The following PDE4D variants were observed in gnomAD, a reference collection of about 807,000 sequenced individuals.
PDE4D encodes 3',5'-cyclic-AMP phosphodiesterase 4D.
A neutral mutation model predicts 87.4 loss-of-function variants in PDE4D; 24 were observed. The ratio of observed to expected loss-of-function variants is 0.27; its 90% CI spans 0.20 to 0.39. The LOEUF (loss-of-function observed/expected upper bound fraction) is 0.39, where lower values mean the gene tolerates loss of function less well. Among genes scored for constraint, PDE4D ranks in the 10% least tolerant of loss-of-function variants. The pLI is 1.00. For synonymous variants in PDE4D, 384 were observed against 383.2 expected (o/e 1.00, Z -0.02); for missense variants, 714 against 1,041.0 (o/e 0.69, Z 4.32).
intron 1 of PDE4D, among the ~76,000 whole-genome samples, chr5:60,511,352 T>C (rs1750563919): frequency 6.6e-6 from 1 of 152,152 alleles, no homozygotes; most frequent in African/African-American, 2.4e-5. Context: ...GAATTTATTA[T>C]AAGCTGTTGA....
At chr5:60,230,573 A>AT (rs1745686759) in intron 1 of PDE4D, among the ~76,000 whole-genome samples, 1 of 152,102 alleles carries the variant, frequency 6.6e-6, no homozygotes, top group Non-Finnish European at 1.5e-5. Flanking sequence ...TGGACTACTG[A>AT]TTTTAACTGA....
chr5:59,965,264 TAAAA>T (rs1333320984), intron 3 of PDE4D, among the ~76,000 whole-genome samples: 1 of 151,770 alleles, frequency 6.6e-6, no homozygotes, highest in East Asian at 1.9e-4. Context: ...TTCCTCAACT[TAAAA>T]AAAACAATCT....
rs1270963260 is a variant in PDE4D at position 59,302,812 on chromosome 5, T to C, written c.456-86844A>G. On this transcript the variant is annotated intron_variant, in intron 1 of 14. Coordinates refer to ENST00000340635, the MANE Select transcript of PDE4D (RefSeq NM_001104631.2). Reference sequence around the variant, plus strand: ...ATGGACATTTGGGTTAGTTCCACAGTTTTGCAATTGTGAATTGTGCTGCTA... The same window carrying C: ...ATGGACATTTGGGTTAGTTCCACAGCTTTGCAATTGTGAATTGTGCTGCTA... Among the ~76,000 whole-genome samples the C allele has an allele frequency of 2.0e-5, 3 of 152,184 alleles. No individual in the cohort carries two copies. In the East Asian group the frequency reaches 5.8e-4, roughly 29 times the overall value.
Position 60,027,499 on chromosome 5 carries a change from T to C in PDE4D, c.43-38782A>G, listed in dbSNP as rs1029292646. On this transcript the variant is annotated intron_variant, in intron 2 of 16. Transcript: ENST00000502484. Reference sequence around the variant, plus strand: ...TCAATAGGCACCTAGATTGACTCCATGTCTTTGCTGTTGCCCCCCACCACT... The same window carrying C: ...TCAATAGGCACCTAGATTGACTCCACGTCTTTGCTGTTGCCCCCCACCACT... Among the ~76,000 whole-genome samples the C allele has an allele frequency of 2.0e-5, 3 of 152,192 alleles. No homozygotes were observed. In the East Asian group the frequency reaches 5.8e-4, roughly 29 times the overall value.
At chr5:59,898,299 C>G (rs1229905966), upstream of PDE4D, among the ~76,000 whole-genome samples, 1 of 152,174 alleles carries the variant, frequency 6.6e-6, no homozygotes, top group Non-Finnish European at 1.5e-5. Context: ...TGTGCTAATT[C>G]TCAGGACGAC....
chr5:59,763,330 T>C (rs563955373), intron 1 of PDE4D, among the ~76,000 whole-genome samples: 1 of 151,054 alleles, frequency 6.6e-6, no homozygotes, highest in South Asian at 2.1e-4. Context: ...ATAATAATAA[T>C]AAAATAAAAA....
At chr5:59,261,511 C>A (rs1448200343) in intron 1 of PDE4D, among the ~76,000 whole-genome samples, 2 of 151,546 alleles carry the variant, frequency 1.3e-5, no homozygotes, top group African/African-American at 2.4e-5. Flanking sequence ...TTAACTAGGG[C>A]CTATAAAAAT....
intron 1 of PDE4D, among the ~76,000 whole-genome samples, chr5:60,419,644 T>G (rs372189833): frequency 6.6e-6 from 1 of 152,118 alleles, no homozygotes; most frequent in African/African-American, 2.4e-5. Context: ...TTTTTTAAGA[T>G]AGGCAGAATG....
chr5:59,402,886 T>A (rs1192269947), intron 1 of PDE4D, among the ~76,000 whole-genome samples: 2 of 152,120 alleles, frequency 1.3e-5, no homozygotes, highest in Non-Finnish European at 2.9e-5. Flanking sequence ...ATCCTCCCAT[T>A]ACAGTTATAT....
intron 2 of PDE4D, among the ~76,000 whole-genome samples, chr5:60,092,050 C>CAAAAAAAAA (rs66814905): frequency 2.5e-4 from 14 of 55,992 alleles, no homozygotes; most frequent in African/African-American, 3.2e-4. Flanking sequence ...AACTCCGTCT[C>CAAAAAAAAA]AAAAAAAAAA....
At chr5:60,328,891 C>A (rs954705560) in intron 1 of PDE4D, among the ~76,000 whole-genome samples, 26 of 152,202 alleles carry the variant, frequency 1.7e-4, no homozygotes, top group African/African-American at 6.3e-4. Context: ...AAGTTGCTGT[C>A]TTTCTGCCAG....
intron 5 of PDE4D, among the ~76,000 whole-genome samples, chr5:59,128,177 A>C (rs1175485808): frequency 1.3e-5 from 2 of 152,034 alleles, no homozygotes; most frequent in Non-Finnish European, 2.9e-5. Context: ...CTCTTGTGTA[A>C]GTGCTCCTAG....
intron 1 of PDE4D, among the ~76,000 whole-genome samples, chr5:59,623,063 A>G (rs1830514569): frequency 6.6e-6 from 1 of 152,226 alleles, no homozygotes; most frequent in East Asian, 1.9e-4. Flanking sequence ...AAAAATAAAC[A>G]CTAACCTTAT....
chr5:59,022,906 T>C (rs1253058432), intron 6 of PDE4D, among the ~76,000 whole-genome samples: 1 of 152,252 alleles, frequency 6.6e-6, no homozygotes, highest in Non-Finnish European at 1.5e-5. Context: ...TCGGGCACAG[T>C]GGCTTACGCC....
At chr5:59,796,798 G>C (rs1330943010) in intron 1 of PDE4D, among the ~76,000 whole-genome samples, 1 of 151,950 alleles carries the variant, frequency 6.6e-6, no homozygotes, top group African/African-American at 2.4e-5. Context: ...ATATTTAGAT[G>C]CCAAATGTGA....
At chr5:59,391,284 G>A (rs1484786168) in intron 1 of PDE4D, among the ~76,000 whole-genome samples, 1 of 152,110 alleles carries the variant, frequency 6.6e-6, no homozygotes, top group African/African-American at 2.4e-5. Context: ...ATTTGAATAA[G>A]ATATCTCCTA....
At chr5:59,871,341 G>A (rs1228516074) in intron 1 of PDE4D, among the ~76,000 whole-genome samples, 1 of 152,068 alleles carries the variant, frequency 6.6e-6, no homozygotes, top group African/African-American at 2.4e-5. Context: ...CACCTGATAT[G>A]GAAAAAGGAG....
At chr5:59,144,698 C>A (rs1778353433) in intron 5 of PDE4D, among the ~76,000 whole-genome samples, 1 of 152,148 alleles carries the variant, frequency 6.6e-6, no homozygotes, top group South Asian at 2.1e-4. Context: ...CAAAGTTTAT[C>A]TTGCAGGAGC....
intron 1 of PDE4D, among the ~76,000 whole-genome samples, chr5:59,497,280 T>C (rs1807394894): frequency 7.0e-6 from 1 of 142,588 alleles, no homozygotes; most frequent in South Asian, 2.1e-4. Flanking sequence ...CAATACAAAA[T>C]GTCAGAGTGT....
Sources: allele counts gnomAD v4.1 joint callset (sites outside exome capture counted in the v4.1 genomes callset), GRCh38; gene constraint gnomAD v4.1.1; transcripts MANE v1.5; gene names NCBI Gene and HGNC (gene_info 2026-07-23, HGNC 2026-07-21).